ANGPTL2: variants seen among roughly 807,000 people sequenced by gnomAD.
ANGPTL2 encodes angiopoietin-related protein 2.
ANGPTL2 carries 25 observed loss-of-function variants against 52.8 expected under a neutral mutation model. The observed-to-expected ratio is 0.47, with a 90% CI of 0.35 to 0.66. The LOEUF (loss-of-function observed/expected upper bound fraction) is 0.66, where lower values mean the gene tolerates loss of function less well. Among genes scored for constraint, ANGPTL2 ranks in the 30% least tolerant of loss-of-function variants. ANGPTL2 has a pLI of 0.01. For synonymous variants in ANGPTL2, 276 were observed against 277.4 expected, an observed-to-expected ratio of 1.00 and a Z score of 0.05; for missense variants, 546 against 656.9, an observed-to-expected ratio of 0.83 and a Z score of 1.84.
At chr9:127,118,067 T>G (rs2055623910) in intron 1 of ANGPTL2, among the ~76,000 whole-genome samples, 1 of 152,148 alleles carries the variant, frequency 6.6e-6, no homozygotes, top group South Asian at 2.1e-4. Flanking sequence ...TTTTATTTTT[T>G]ATTTTTGAGA....
At chr9:127,106,830 G>T (rs1358546833) in intron 2 of ANGPTL2, 1 of 152,198 alleles carries the variant, frequency 6.6e-6, no homozygotes, top group African/African-American at 2.4e-5. Context: ...AGTACTGGTG[G>T]TTATTTTTAA....
In ANGPTL2 at chr9:127,093,830, AC is replaced by A. The variant is rs2052778461; in HGVS notation, c.913del (p.Val305CysfsTer53). ...KPENTNRLMQ[V>X]WCDQRHDPGG... Reference sequence around the variant, plus strand: ...GGGGTCGTGTCTCTGGTCGCACCACACCTGCATGAGGCGGTTGGTGTTCTCC... The same window carrying A: ...GGGGTCGTGTCTCTGGTCGCACCACACTGCATGAGGCGGTTGGTGTTCTCC... On this transcript the variant is annotated frameshift_variant, in exon 3 of 5. Transcript: ENST00000373425. LOFTEE classifies it high-confidence loss of function. 1 of 1,613,926 alleles carries A rather than the reference AC, an allele frequency of 6.2e-7. No individual in the cohort carries two copies. Among genetic ancestry groups the A allele is most frequent in the Non-Finnish European group, 8.5e-7 (1 of 1,179,974 alleles).
At chr9:127,093,417 C>T (rs2052720496) in intron 3 of ANGPTL2, among the ~76,000 whole-genome samples, 1 of 152,170 alleles carries the variant, frequency 6.6e-6, no homozygotes, top group African/African-American at 2.4e-5. Context: ...CTCCTCACCC[C>T]TGGGCCCCCA....
intron 1 of ANGPTL2, among the ~76,000 whole-genome samples, chr9:127,117,599 T>G (rs537270836): frequency 1.4e-4 from 21 of 152,316 alleles, no homozygotes; most frequent in African/African-American, 3.6e-4. Flanking sequence ...GCACCTGACC[T>G]AGCCTCAGAA....
intron 1 of ANGPTL2, among the ~76,000 whole-genome samples, chr9:127,118,623 C>T (rs191424338): frequency 6.6e-6 from 1 of 152,290 alleles, no homozygotes; most frequent in Non-Finnish European, 1.5e-5. Context: ...AAGACGGGGA[C>T]AGCACCACCC....
Position 127,108,356 on chromosome 9 carries a change from C to G in ANGPTL2, c.376G>C (p.Glu126Gln). ...IVSEVKLLRKESRNMNSRVTQ... is the reference protein window; with the variant it reads ...IVSEVKLLRKQSRNMNSRVTQ... ...ACCCGCGAGTTCATGTTGCGGCTCT[C>G]CTTGCGCAGCAGCTTCACCTCGCTC... Residue 126 changes from glutamate (E) to glutamine (Q), a missense_variant, in exon 2 of 5, where the codon GAG (glutamate) becomes CAG (glutamine). Coordinates refer to ENST00000373425, the MANE Select transcript of ANGPTL2 (RefSeq NM_012098.3). The G allele has an allele frequency of 6.2e-7, 1 of 1,611,858 alleles. No individual in the cohort carries two copies. The highest frequency in any genetic ancestry group is 8.5e-7 in the Non-Finnish European group (1 of 1,178,828).
intron 1 of ANGPTL2, among the ~76,000 whole-genome samples, chr9:127,110,215 T>G (rs1356932495): frequency 6.6e-6 from 1 of 152,194 alleles, no homozygotes. Context: ...TCATTCTAGG[T>G]TGCCCTAGAC....
At chr9:127,121,751 CCCGTGCTGGGTG>C (rs2137744641) in intron 1 of ANGPTL2, among the ~76,000 whole-genome samples, 1 of 152,340 alleles carries the variant, frequency 6.6e-6, no homozygotes, top group East Asian at 1.9e-4. Flanking sequence ...TGCGTCCGTT[CCCGTGCTGGGTG>C]CCTCTGCTCT....
chr9:127,114,422 A>G (rs2055184283), intron 1 of ANGPTL2, among the ~76,000 whole-genome samples: 1 of 152,252 alleles, frequency 6.6e-6, no homozygotes, highest in South Asian at 2.1e-4. Flanking sequence ...CATACTGTGA[A>G]TAAAGAGAAA....
At position 127,105,688 on chromosome 9, in the gene ANGPTL2, C is replaced by G. The variant is rs75586617; in HGVS notation, c.817+2227G>C. Among the ~76,000 whole-genome samples, 820 of 152,266 alleles carry G rather than the reference C, an allele frequency of 5.4e-3. 26 individuals are homozygous for G. In the East Asian group the frequency reaches 0.085, roughly 16 times the overall value. On this transcript the variant is annotated intron_variant, in intron 2 of 4. Coordinates refer to ENST00000373425, the MANE Select transcript of ANGPTL2 (RefSeq NM_012098.3). ...CTGATTTTAGAAATTTTGGCCTCGA[C>G]GGATACTCCCTCCCAGAGAAATCCA...
chr9:127,099,677 T>C (rs1273547495), intron 2 of ANGPTL2, among the ~76,000 whole-genome samples: 2 of 152,188 alleles, frequency 1.3e-5, no homozygotes, highest in Non-Finnish European at 2.9e-5. Context: ...AAGATTCTGG[T>C]TATGGATGTA....
chr9:127,102,058 G>A (rs961127046), intron 2 of ANGPTL2, among the ~76,000 whole-genome samples: 38 of 152,154 alleles, frequency 2.5e-4, no homozygotes, highest in African/African-American at 8.4e-4. Flanking sequence ...AGGCAGTGGT[G>A]ATGCGGGGAT....
At chr9:127,099,903 C>T (rs1476277866) in intron 2 of ANGPTL2, among the ~76,000 whole-genome samples, 1 of 152,186 alleles carries the variant, frequency 6.6e-6, no homozygotes, top group Non-Finnish European at 1.5e-5. Context: ...GGGCATGGTG[C>T]CTGGGGCCAA....
At position 127,108,307 on chromosome 9, in the gene ANGPTL2, A is replaced by G. The variant is rs1335459929; in HGVS notation, c.425T>C (p.Leu142Pro). ...GTCCCGCTTGCGGATGATCTCGTGCAGGAGCTGCATGTAGAGCTGCGTGAC... is the reference window on the plus strand; with the variant it reads ...GTCCCGCTTGCGGATGATCTCGTGCGGGAGCTGCATGTAGAGCTGCGTGAC... ...SRVTQLYMQLLHEIIRKRDNA... is the reference protein window; with the variant it reads ...SRVTQLYMQLPHEIIRKRDNA... Residue 142 changes from leucine to proline, a missense_variant, in exon 2 of 5, where the codon CTG (leucine) becomes CCG (proline). By Grantham distance (98) the Leu-to-Pro change is moderately conservative (BLOSUM62 -3). Coordinates refer to ENST00000373425, the MANE Select transcript of ANGPTL2 (RefSeq NM_012098.3). 1.9e-6 allele frequency: 3 copies of G among 1,613,884 alleles called. No homozygotes were observed. The highest frequency in any genetic ancestry group is 2.5e-6 in the Non-Finnish European group (3 of 1,179,928).
intron 1 of ANGPTL2, among the ~76,000 whole-genome samples, chr9:127,115,501 A>G (rs1287159271): frequency 6.6e-6 from 1 of 152,244 alleles, no homozygotes; most frequent in Non-Finnish European, 1.5e-5. Context: ...AAGGTATTAT[A>G]TCTGCATTTG....
chr9:127,111,680 C>G (rs2054830803), intron 1 of ANGPTL2, among the ~76,000 whole-genome samples: 2 of 152,182 alleles, frequency 1.3e-5, no homozygotes, highest in Admixed American at 6.5e-5. Flanking sequence ...CAAGTGTTTT[C>G]CAGTTTCCCG....
At chr9:127,099,579 G>T (rs1011953340) in intron 2 of ANGPTL2, among the ~76,000 whole-genome samples, 1 of 152,204 alleles carries the variant, frequency 6.6e-6, no homozygotes. Flanking sequence ...GACACACAGG[G>T]TCGGGGGATG....
chr9:127,116,253 G>A (rs1407272603), intron 1 of ANGPTL2, among the ~76,000 whole-genome samples: 1 of 152,060 alleles, frequency 6.6e-6, no homozygotes. Flanking sequence ...TGCCATTGGT[G>A]AATTGCTGGC....
At position 127,093,713 on chromosome 9, in the gene ANGPTL2, C is replaced by T; in HGVS notation, c.1011+20G>A. 6.2e-7 allele frequency: 1 copy of T among 1,612,794 alleles called. No individual in the cohort carries two copies. Among genetic ancestry groups the T allele is most frequent in the South Asian group, 1.1e-5 (1 of 90,868 alleles). On this transcript the variant is annotated intron_variant, in intron 3 of 4. Transcript: ENST00000373425. ...CCAGTCACCTTGTGGGCAGCACAGA[C>T]ATCCCCTGCCGAGTCTCACCTTGTA...
Sources: gnomAD v4.1 joint callset for allele counts (sites outside exome capture counted in the v4.1 genomes callset) on GRCh38, gnomAD v4.1.1 for gene constraint, MANE v1.5 for transcripts, NCBI Gene and HGNC (gene_info 2026-07-23, HGNC 2026-07-21) for gene names.